The following SDCCAG8 variants were observed in gnomAD, a reference collection of about 807,000 sequenced individuals.
SDCCAG8 encodes the protein SHH signaling and ciliogenesis regulator SDCCAG8.
SDCCAG8 carries 74 observed loss-of-function variants against 101.8 expected under a neutral mutation model. That is an observed-to-expected ratio of 0.73 (90% CI 0.60 to 0.88). The LOEUF is 0.88. Ranked by LOEUF, SDCCAG8 falls within the 40% of genes least tolerant of loss-of-function variation. The pLI is 0.00. For synonymous variants in SDCCAG8, 281 were observed against 292.9 expected, an observed-to-expected ratio of 0.96 and a Z score of 0.41; for missense variants, 787 against 822.6, an observed-to-expected ratio of 0.96 and a Z score of 0.53.
In SDCCAG8 at chr1:243,415,831, T is replaced by C; in HGVS notation, c.1744+2T>C. 6.2e-7 allele frequency: 1 copy of C among 1,612,976 alleles called. No homozygotes were observed. Among genetic ancestry groups the C allele is most frequent in the Non-Finnish European group, 8.5e-7 (1 of 1,179,502 alleles). On this transcript the variant is annotated splice_donor_variant, in intron 14 of 17. Transcript: ENST00000366541. LOFTEE classifies it high-confidence loss of function. ...TGGAGGCCCAGCATGACAAAACTGGTAGGTGGTAGGGAAAGATTAGAGCCT... is the reference window on the plus strand; with the variant it reads ...TGGAGGCCCAGCATGACAAAACTGGCAGGTGGTAGGGAAAGATTAGAGCCT...
rs751551796 is a variant in SDCCAG8, at chr1:243,316,788, C to T, written c.963C>T (p.Ser321=). 1.9e-5 allele frequency: 31 copies of T among 1,614,080 alleles called. No individual in the cohort carries two copies. Among genetic ancestry groups the T allele is most frequent in the East Asian group, 1.3e-4 (6 of 44,882 alleles). Residue 321 remains serine (S), a synonymous_variant, in exon 9 of 18, where the codon TCC becomes TCT. Transcript: ENST00000366541. Reference sequence around the variant, plus strand: ...ATGACTTGATGTCTGCACTAGTTTCCGTAAGGAGCAGCTTGGCAGATACGC... The same window carrying T: ...ATGACTTGATGTCTGCACTAGTTTCTGTAAGGAGCAGCTTGGCAGATACGC... ...ERDDLMSALV[S]VRSSLADTQQ...
intron 12 of SDCCAG8, among the ~76,000 whole-genome samples, chr1:243,360,023 G>T (rs1181288533): frequency 1.3e-5 from 2 of 151,922 alleles, no homozygotes; most frequent in African/African-American, 4.8e-5. Flanking sequence ...CCCTAGTGAT[G>T]AATGGTACTG....
At chr1:243,471,536 G>A (rs1558514048) in intron 16 of SDCCAG8, among the ~76,000 whole-genome samples, 1 of 152,018 alleles carries the variant, frequency 6.6e-6, no homozygotes, top group Non-Finnish European at 1.5e-5. Context: ...TCCACGGGGG[G>A]TCCAGGCTCA....
In SDCCAG8 at chr1:243,270,092, G is replaced by T; in HGVS notation, c.68-13G>T. 1.2e-6 allele frequency: 2 copies of T among 1,614,172 alleles called. No homozygotes were observed. The highest frequency in any genetic ancestry group is 1.7e-6 in the Non-Finnish European group (2 of 1,180,044). ...CTCCATGGGTCCTAACTTTCGTCAG[G>T]TTGTTCTTGCAGAACATGCCAGCAG... On this transcript the variant is annotated splice_polypyrimidine_tract_variant and intron_variant, in intron 1 of 17. Transcript: ENST00000366541.
intron 8 of SDCCAG8, among the ~76,000 whole-genome samples, chr1:243,312,839 C>A (rs1240481488): frequency 6.6e-6 from 1 of 151,924 alleles, no homozygotes; most frequent in Non-Finnish European, 1.5e-5. Context: ...ATATACTTAA[C>A]AACTATTGAT....
At chr1:243,479,747 A>C (rs1663106103) in intron 16 of SDCCAG8, among the ~76,000 whole-genome samples, 1 of 152,164 alleles carries the variant, frequency 6.6e-6, no homozygotes, top group Non-Finnish European at 1.5e-5. Context: ...GCAGACTAGG[A>C]GAGTTTTCAT....
intron 6 of SDCCAG8, among the ~76,000 whole-genome samples, chr1:243,294,707 C>CCG (rs1553298437): frequency 4.3e-5 from 6 of 140,602 alleles, no homozygotes; most frequent in African/African-American, 1.6e-4. Context: ...CCCCCCCCCC[C>CCG]CCACAGCTGC....
intron 1 of SDCCAG8, among the ~76,000 whole-genome samples, chr1:243,263,608 C>G (rs576438413): frequency 6.6e-6 from 1 of 152,208 alleles, no homozygotes. Context: ...TAGCCAATCT[C>G]CTGGATTTGC....
intron 13 of SDCCAG8, among the ~76,000 whole-genome samples, chr1:243,397,931 C>G (rs1362450130): frequency 6.6e-6 from 1 of 152,224 alleles, no homozygotes; most frequent in Admixed American, 6.5e-5. Flanking sequence ...TCTGTGTGGT[C>G]AATTCATACA....
intron 1 of SDCCAG8, among the ~76,000 whole-genome samples, chr1:243,263,731 T>C (rs2067366507): frequency 6.6e-6 from 1 of 152,244 alleles, no homozygotes; most frequent in Admixed American, 6.5e-5. Flanking sequence ...TGTTTTCAGT[T>C]ATTAGAGTCT....
chr1:243,281,348 C>T lies in SDCCAG8; in HGVS notation c.421-4924C>T, dbSNP rs1299191789. On this transcript the variant is annotated intron_variant, in intron 4 of 17. Transcript: ENST00000366541. ...ATGGGGTCTCACTATATTGCTCAGGCTGGTCTTGAACTCCTGGGCTCAAGG... is the reference window on the plus strand; with the variant it reads ...ATGGGGTCTCACTATATTGCTCAGGTTGGTCTTGAACTCCTGGGCTCAAGG... Among the ~76,000 whole-genome samples the T allele has an allele frequency of 2.8e-5, 4 of 141,786 alleles. No homozygotes were observed. The East Asian group carries it at 8.2e-4, about 29-fold the overall frequency. The allele number at this position is 141,786 out of a possible 152,430, so 93.0% of individuals were successfully genotyped here. A position where few individuals can be genotyped will look rare whatever the true frequency, so the allele number is the denominator to read the frequency against.
intron 12 of SDCCAG8, among the ~76,000 whole-genome samples, chr1:243,349,848 C>T (rs536322506): frequency 1.5e-4 from 23 of 148,558 alleles, no homozygotes; most frequent in African/African-American, 4.0e-4. Flanking sequence ...TTTTTTTTAC[C>T]GGCATTGTAT....
intron 13 of SDCCAG8, among the ~76,000 whole-genome samples, chr1:243,399,523 T>C (rs74577833): frequency 0.019 from 2,857 of 152,198 alleles, 87 homozygotes; most frequent in African/African-American, 0.066. Flanking sequence ...TTTATTTATT[T>C]ATTGCTGGAG....
At chr1:243,440,071 T>C (rs1372113751) in intron 16 of SDCCAG8, among the ~76,000 whole-genome samples, 1 of 152,170 alleles carries the variant, frequency 6.6e-6, no homozygotes, top group Non-Finnish European at 1.5e-5. Context: ...CTGCCTGGGT[T>C]CTAGTGCCAG....
chr1:243,380,057 A>T (rs989002540), intron 13 of SDCCAG8, among the ~76,000 whole-genome samples: 4 of 152,200 alleles, frequency 2.6e-5, no homozygotes, highest in African/African-American at 9.6e-5. Flanking sequence ...AAATGATTTG[A>T]CATCTTCCCT....
intron 16 of SDCCAG8, among the ~76,000 whole-genome samples, chr1:243,448,309 C>T (rs1334118746): frequency 6.6e-6 from 1 of 152,134 alleles, no homozygotes; most frequent in African/African-American, 2.4e-5. Flanking sequence ...TTCATGAGCT[C>T]TGAAAAGGGA....
chr1:243,286,309 T>C lies in SDCCAG8; in HGVS notation c.458T>C (p.Val153Ala). The C allele has an allele frequency of 1.2e-6, 2 of 1,614,100 alleles. No individual in the cohort carries two copies. Among genetic ancestry groups the C allele is most frequent in the Non-Finnish European group, 1.7e-6 (2 of 1,179,936 alleles). The change falls in exon 5 of 18, where the codon GTT (valine) becomes GCT (alanine). Residue 153 changes from valine to alanine, a missense_variant. Physicochemically the swap from Val to Ala is moderately conservative, Grantham distance 64. Transcript: ENST00000366541. ...LSGMKNKIQV[V>A]VLENEGLQQQ... ...GGAATGAAAAATAAAATACAAGTAGTTGTGCTTGAAAACGAAGGGCTCCAG... is the reference window on the plus strand; with the variant it reads ...GGAATGAAAAATAAAATACAAGTAGCTGTGCTTGAAAACGAAGGGCTCCAG...
intron 15 of SDCCAG8, among the ~76,000 whole-genome samples, chr1:243,425,779 A>G (rs1244978209): frequency 1.3e-4 from 20 of 152,158 alleles, no homozygotes; most frequent in Admixed American, 1.3e-3. Flanking sequence ...AGATATTCCC[A>G]TTTTGCTCAG....
In SDCCAG8 at chr1:243,418,020, A is replaced by C. The variant is rs1411144910; in HGVS notation, c.1797A>C (p.Leu599Phe). Reference sequence around the variant, plus strand: ...CCCAGAATACATTTTTGACAAAGTTAAAGGAAGAATGCTGTACATTAGCCA... The same window carrying C: ...CCCAGAATACATTTTTGACAAAGTTCAAGGAAGAATGCTGTACATTAGCCA... ...LTSQNTFLTK[L>F]KEECCTLAKK... is the part of the protein sequence containing the mutation. The change falls in exon 15 of 18, where the codon TTA becomes TTC. Residue 599 changes from leucine (L) to phenylalanine (F), a missense_variant. Physicochemically the swap from Leu to Phe is conservative, Grantham distance 22 (BLOSUM62 0). Transcript: ENST00000366541. 6.2e-7 allele frequency: 1 copy of C among 1,613,192 alleles called. No homozygotes were observed. The highest frequency in any genetic ancestry group is 8.5e-7 in the Non-Finnish European group (1 of 1,179,328).
Sources: allele counts gnomAD v4.1 joint callset (sites outside exome capture counted in the v4.1 genomes callset), GRCh38; gene constraint gnomAD v4.1.1; transcripts MANE v1.5; gene names NCBI Gene and HGNC (gene_info 2026-07-23, HGNC 2026-07-21).